The following ADAMTS6 variants were observed in gnomAD, a reference collection of about 807,000 sequenced individuals.
ADAMTS6 encodes A disintegrin and metalloproteinase with thrombospondin motifs 6.
In ADAMTS6, 23 loss-of-function variants were observed where a neutral mutation model predicts 144.3. The ratio of observed to expected loss-of-function variants is 0.16; its 90% CI spans 0.11 to 0.23. The LOEUF (loss-of-function observed/expected upper bound fraction) is 0.23, where lower values mean the gene tolerates loss of function less well. Among genes scored for constraint, ADAMTS6 ranks in the 10% least tolerant of loss-of-function variants. The pLI is 1.00. For missense variants in ADAMTS6, 999 were observed against 1,379.6 expected, an observed-to-expected ratio of 0.72 and a Z score of 4.37; for synonymous variants, 444 against 457.5, an observed-to-expected ratio of 0.97 and a Z score of 0.38.
chr5:65,357,906 C>G (rs191184439), intron 7 of ADAMTS6, among the ~76,000 whole-genome samples: 5 of 151,944 alleles, frequency 3.3e-5, no homozygotes, highest in Admixed American at 1.3e-4. Context: ...TACTAAATAT[C>G]TAAAGGCTTT....
chr5:65,322,424 T>C (rs767570866), intron 9 of ADAMTS6, among the ~76,000 whole-genome samples: 32 of 152,220 alleles, frequency 2.1e-4, no homozygotes, highest in Non-Finnish European at 3.2e-4. Flanking sequence ...CAATGGTAGC[T>C]TAATGGGAAA....
In ADAMTS6 at chr5:65,327,012, C is replaced by T. The variant is rs142518481; in HGVS notation, c.1223+2366G>A. 2.2e-4 allele frequency among the ~76,000 whole-genome samples: 34 copies of T among 152,164 alleles called. No homozygotes were observed. The East Asian group carries it at 6.6e-3, about 29-fold the overall frequency. The stretch of plus-strand genomic sequence containing the variant: ...GTGATCCCAAATACTGGAGGTGGGG[C>T]CTGGTGGGAGGTATTTGGGTAATGG... On this transcript the variant is annotated intron_variant, in intron 9 of 24. Transcript: ENST00000381055.
chr5:65,213,020 A>G (rs998465326), intron 20 of ADAMTS6, among the ~76,000 whole-genome samples: 8 of 152,236 alleles, frequency 5.3e-5, no homozygotes, highest in Non-Finnish European at 1.5e-5. Context: ...AAAGATAGAT[A>G]TATGTATAAA....
intron 7 of ADAMTS6, among the ~76,000 whole-genome samples, chr5:65,388,161 A>G (rs1054660163): frequency 2.5e-4 from 38 of 152,112 alleles, no homozygotes; most frequent in Admixed American, 2.0e-3. Flanking sequence ...GTGAGCCAAG[A>G]TCGCGCCATT....
intron 10 of ADAMTS6, among the ~76,000 whole-genome samples, chr5:65,295,586 C>T: frequency 6.6e-6 from 1 of 152,032 alleles, no homozygotes; most frequent in East Asian, 1.9e-4. Flanking sequence ...TAAACATATA[C>T]TTGTCAGATC....
chr5:65,406,611 T>G (rs1264768885), intron 7 of ADAMTS6, among the ~76,000 whole-genome samples: 4 of 152,172 alleles, frequency 2.6e-5, no homozygotes, highest in Non-Finnish European at 5.9e-5. Flanking sequence ...AAATTCTCTT[T>G]TTTTGTTGTG....
chr5:65,312,490 C>A (rs1744589664), intron 9 of ADAMTS6, among the ~76,000 whole-genome samples: 1 of 152,008 alleles, frequency 6.6e-6, no homozygotes, highest in South Asian at 2.1e-4. Context: ...ATAATTATTA[C>A]AATTTGCTCA....
At chr5:65,245,135 G>T (rs532967483) in intron 14 of ADAMTS6, among the ~76,000 whole-genome samples, 1 of 152,048 alleles carries the variant, frequency 6.6e-6, no homozygotes, top group Admixed American at 6.6e-5. Context: ...CCTGGCCTAA[G>T]GTAGCACTTA....
intron 7 of ADAMTS6, among the ~76,000 whole-genome samples, chr5:65,398,825 A>AAAGAAAGG (rs1561501768): frequency 6.0e-5 from 9 of 148,860 alleles, no homozygotes; most frequent in African/African-American, 2.3e-4. Flanking sequence ...AGAAAGAAAG[A>AAAGAAAGG]AAGAAAGAAA....
In ADAMTS6 at chr5:65,268,678, C is replaced by T. The variant is rs542608524; in HGVS notation, c.1620+4662G>A. 4.6e-5 allele frequency among the ~76,000 whole-genome samples: 7 copies of T among 152,256 alleles called. No individual in the cohort carries two copies. In the South Asian group the frequency reaches 1.2e-3, roughly 27 times the overall value. ...GGCGAACATCCAATGGCTGTAATAG[C>T]GATGTCAGACCCCCCAGGACTCACG... On this transcript the variant is annotated intron_variant, in intron 12 of 24. Coordinates refer to ENST00000381055, the MANE Select transcript of ADAMTS6 (RefSeq NM_197941.4).
chr5:65,182,290 T>C (rs987520655), intron 22 of ADAMTS6, among the ~76,000 whole-genome samples: 1 of 150,810 alleles, frequency 6.6e-6, no homozygotes, highest in Admixed American at 6.6e-5. Flanking sequence ...CTACTAAAAA[T>C]ACAAAAAAAA....
chr5:65,368,537 G>A (rs1027817820), intron 7 of ADAMTS6, among the ~76,000 whole-genome samples: 2 of 152,178 alleles, frequency 1.3e-5, no homozygotes, highest in Non-Finnish European at 2.9e-5. Flanking sequence ...AGCCTCAAAA[G>A]AATGAGGCTT....
At chr5:65,224,080 G>A (rs1296197647) in intron 18 of ADAMTS6, among the ~76,000 whole-genome samples, 1 of 152,126 alleles carries the variant, frequency 6.6e-6, no homozygotes, top group African/African-American at 2.4e-5. Flanking sequence ...GATTACAGGT[G>A]TGAGCCACAG....
Position 65,473,664 on chromosome 5 carries a change from A to C in ADAMTS6, c.10T>G (p.Leu4Val). Reference sequence around the variant, plus strand: ...AAAATCCAGGTCAACGTCTTCCACAAAATTTCCATAATTTAGAAAACTGGA... The same window carrying C: ...AAAATCCAGGTCAACGTCTTCCACACAATTTCCATAATTTAGAAAACTGGA... MEI[L>V]WKTLTWILSL... The change falls in exon 2 of 25, where the codon TTG becomes GTG. Residue 4 changes from leucine (L) to valine (V), a missense_variant. Physicochemically the swap from Leu to Val is conservative, Grantham distance 32. Around this residue, in one of 3 missense-constraint regions of ADAMTS6, gnomAD observed 252 missense variants for 293.7 expected, o/e 0.86. Coordinates refer to ENST00000381055, the MANE Select transcript of ADAMTS6 (RefSeq NM_197941.4). 1 of 1,613,648 alleles carries C rather than the reference A, an allele frequency of 6.2e-7. No homozygotes were observed. Among genetic ancestry groups the C allele is most frequent in the South Asian group, 1.1e-5 (1 of 91,042 alleles).
At chr5:65,189,802 C>A (rs774922784) in intron 21 of ADAMTS6, among the ~76,000 whole-genome samples, 1 of 152,162 alleles carries the variant, frequency 6.6e-6, no homozygotes, top group Non-Finnish European at 1.5e-5. Context: ...CTATTTCAAT[C>A]GAAATTCATT....
At chr5:65,230,828 T>TGAAATATATATAATACATATGTATG (rs370482865) in intron 15 of ADAMTS6, among the ~76,000 whole-genome samples, 4 of 57,660 alleles carry the variant, frequency 6.9e-5, no homozygotes, top group African/African-American at 2.7e-4. Flanking sequence ...TACATATGTA[T>TGAAATATATATAATACATATGTATG]AAATATATAT....
intron 12 of ADAMTS6, among the ~76,000 whole-genome samples, chr5:65,263,777 TTTG>T (rs796400456): frequency 2.4e-4 from 36 of 152,310 alleles, no homozygotes; most frequent in African/African-American, 8.4e-4. Context: ...TTTGTAGACT[TTTG>T]TTGATGCATT....
At chr5:65,320,043 T>C (rs1745448499) in intron 9 of ADAMTS6, among the ~76,000 whole-genome samples, 1 of 152,008 alleles carries the variant, frequency 6.6e-6, no homozygotes, top group Admixed American at 6.6e-5. Flanking sequence ...GGGTTTCTCC[T>C]TGTTGGTAAG....
In ADAMTS6 at chr5:65,291,456, G is replaced by A. The variant is rs866124476; in HGVS notation, c.1385C>T (p.Thr462Ile). ...ITSFLDSGRG[T>I]CLDNEPPKRD... is the part of the protein sequence containing the mutation. ...CTTGGGAGGCTCATTATCAAGGCAA[G>A]TACCACGGCCTGAACTGTTCAACAT... Residue 462 changes from threonine to isoleucine, a missense_variant, in exon 11 of 25, where the codon ACT (threonine) becomes ATT (isoleucine). Physicochemically the swap from Thr to Ile is moderately conservative, Grantham distance 89. This residue lies in a region of ADAMTS6 where 619 missense variants were observed against 837.0 expected (regional missense o/e 0.74). Transcript: ENST00000381055. 3 of 1,613,732 alleles carry A rather than the reference G, an allele frequency of 1.9e-6. No individual in the cohort carries two copies. Among genetic ancestry groups the A allele is most frequent in the African/African-American group, 1.3e-5 (1 of 75,018 alleles).
Sources: gnomAD v4.1 joint callset for allele counts (sites outside exome capture counted in the v4.1 genomes callset) on GRCh38, gnomAD v4.1.1 for gene constraint, gnomAD v4.1.1 regional missense constraint, MANE v1.5 for transcripts, NCBI Gene and HGNC (gene_info 2026-07-23, HGNC 2026-07-21) for gene names.